GPSM1: variants seen among roughly 807,000 people sequenced by gnomAD.
GPSM1 encodes G protein signaling modulator 1.
In GPSM1, 48 loss-of-function variants were observed where a neutral mutation model predicts 70.5. The observed-to-expected ratio is 0.68, with a 90% CI of 0.54 to 0.87. The LOEUF is 0.87. Ranked by LOEUF, GPSM1 falls within the 40% of genes least tolerant of loss-of-function variation. The probability of loss-of-function intolerance (pLI) is 0.00; values close to 1 mark genes in which losing one functional copy is unlikely to be tolerated. For synonymous variants in GPSM1, 416 were observed against 430.1 expected (o/e 0.97, Z 0.41); for missense variants, 981 against 972.6 (o/e 1.01, Z -0.11).
intron 9 of GPSM1, among the ~76,000 whole-genome samples, chr9:136,346,985 A>G (rs1444932534): frequency 6.6e-6 from 1 of 152,176 alleles, no homozygotes; most frequent in Non-Finnish European, 1.5e-5. Flanking sequence ...CTGGCCATTC[A>G]TGCTGCTAAC....
At chr9:136,349,333 C>T (rs1310579433) in intron 10 of GPSM1, among the ~76,000 whole-genome samples, 1 of 152,250 alleles carries the variant, frequency 6.6e-6, no homozygotes, top group Admixed American at 6.5e-5. Context: ...GACCCAAGGA[C>T]GCCCACAGTC....
At chr9:136,333,950 C>T (rs782671337) in intron 1 of GPSM1, among the ~76,000 whole-genome samples, 3 of 151,998 alleles carry the variant, frequency 2.0e-5, no homozygotes, top group Non-Finnish European at 2.9e-5. Flanking sequence ...CCCACCCCAC[C>T]CGACCCCCAT....
intron 11 of GPSM1, chr9:136,354,850 A>G: frequency 2.0e-6 from 2 of 1,001,294 alleles, no homozygotes. Context: ...CAGGGCTGAC[A>G]CAGGGTGTGG....
chr9:136,340,650 T>C lies in GPSM1; in HGVS notation c.1084-220T>C, dbSNP rs934631822. On this transcript the variant is annotated intron_variant, in intron 8 of 13. Coordinates refer to ENST00000440944, the MANE Select transcript of GPSM1 (RefSeq NM_001145638.3). The surrounding 1 kb of genome is among the most constrained non-coding windows in gnomAD (Gnocchi z 7.3). ...CATCTCTGGGGTGAACTAGGGGCTG[T>C]TGAGGACCTGTGGGGCCACCTCACC... is the stretch of plus-strand genomic sequence containing the variant. Among the ~76,000 whole-genome samples, 2 of 151,960 alleles carry C rather than the reference T, an allele frequency of 1.3e-5. No homozygotes were observed. The highest frequency in any genetic ancestry group is 2.9e-5 in the Non-Finnish European group (2 of 67,948).
rs1832358644 is a variant in GPSM1 at position 136,340,434 on chromosome 9, C to T, written c.1084-436C>T. 6.6e-6 allele frequency among the ~76,000 whole-genome samples: 1 copy of T among 151,964 alleles called. No individual in the cohort carries two copies. The highest frequency in any genetic ancestry group is 2.1e-4 in the South Asian group (1 of 4,824). On this transcript the variant is annotated intron_variant, in intron 8 of 13. Coordinates refer to ENST00000440944, the MANE Select transcript of GPSM1 (RefSeq NM_001145638.3). This position sits in a 1 kb window ranked among gnomAD's most constrained non-coding sequence, Gnocchi z 7.3. ...CCTTCCAGGGCTCCATGTGGCCCTC[C>T]CCCCAACCCCATGCCACCTCTCTTC...
intron 11 of GPSM1, chr9:136,354,964 T>C: frequency 2.9e-6 from 3 of 1,043,302 alleles, no homozygotes; most frequent in South Asian, 2.9e-5. Flanking sequence ...GACAGAGGCC[T>C]GGACTGGGGT....
chr9:136,345,155 G>A (rs1554771049), intron 9 of GPSM1, among the ~76,000 whole-genome samples: 1 of 152,186 alleles, frequency 6.6e-6, no homozygotes, highest in African/African-American at 2.4e-5. Flanking sequence ...GCCCTGAGGG[G>A]TCCGGCAGGC....
chr9:136,353,758 A>G (rs1220950333), intron 11 of GPSM1, among the ~76,000 whole-genome samples: 1 of 152,170 alleles, frequency 6.6e-6, no homozygotes, highest in African/African-American at 2.4e-5. Flanking sequence ...ATTGGGCCAG[A>G]GGCAGAGGCC....
intron 11 of GPSM1, among the ~76,000 whole-genome samples, chr9:136,352,503 A>G (rs1341406535): frequency 6.6e-6 from 1 of 152,214 alleles, no homozygotes; most frequent in Admixed American, 6.5e-5. Flanking sequence ...GGTTGGCCTC[A>G]GAGGCTGGAG....
At position 136,340,819 on chromosome 9, in the gene GPSM1, C is replaced by G; in HGVS notation, c.1084-51C>G. ...GCCATTAAGGTCCCCTTGGAGCCCA[C>G]AGCAGGGCCCCCAGCCACACCTGCC... On this transcript the variant is annotated intron_variant, in intron 8 of 13. Transcript: ENST00000440944. The surrounding 1 kb of genome is among the most constrained non-coding windows in gnomAD (Gnocchi z 7.3). 6.6e-7 allele frequency: 1 copy of G among 1,519,214 alleles called. No homozygotes were observed. Among genetic ancestry groups the G allele is most frequent in the South Asian group, 1.2e-5 (1 of 80,502 alleles). The allele number at this position is 1,519,214 out of a possible 1,614,324, so 94.1% of individuals were successfully genotyped here.
Position 136,334,677 on chromosome 9 carries a change from G to A in GPSM1, c.290+9G>A. The A allele has an allele frequency of 6.2e-7, 1 of 1,603,996 alleles. No homozygotes were observed. ...GACCTCCTGCTGGCGCGGTGAGTGG[G>A]GACGGTCCTGCTGGCGGGTGAGTGG... On this transcript the variant is annotated intron_variant, in intron 2 of 13. Coordinates refer to ENST00000440944, the MANE Select transcript of GPSM1 (RefSeq NM_001145638.3).
chr9:136,357,303 G>A (rs535428418), intron 13 of GPSM1, among the ~76,000 whole-genome samples: 3 of 152,318 alleles, frequency 2.0e-5, no homozygotes, highest in Admixed American at 1.3e-4. Flanking sequence ...AAGCCAGCAC[G>A]TTTCCAGGTC....
At chr9:136,336,848 A>G (rs61034680) in intron 3 of GPSM1, 73 bp from the exon 4 acceptor site, 1 of 1,409,022 alleles carries the variant, frequency 7.1e-7, no homozygotes, top group Non-Finnish European at 9.6e-7. Flanking sequence ...CAGTGAGGAC[A>G]CCGGTGTGCC....
At chr9:136,331,939 AC>A in intron 1 of GPSM1, 1 of 397,810 alleles carries the variant, frequency 2.5e-6, no homozygotes, top group Non-Finnish European at 4.4e-6. Flanking sequence ...AGGCCAGCCC[AC>A]CCCCCAGGAC....
chr9:136,337,417 G>A (rs770525823), intron 4 of GPSM1, 24 bp from the exon 5 acceptor site: 6 of 1,565,072 alleles, frequency 3.8e-6, no homozygotes, highest in Non-Finnish European at 5.2e-6. Context: ...GGAGGGACAC[G>A]GCTCAGAGGC....
chr9:136,356,831 C>CGGGGTGG (rs1564359638), intron 13 of GPSM1, among the ~76,000 whole-genome samples: 3 of 152,152 alleles, frequency 2.0e-5, no homozygotes, highest in African/African-American at 7.2e-5. Flanking sequence ...TGCAGGAACT[C>CGGGGTGG]GGGGTGGGGG....
At chr9:136,339,857 C>A in intron 8 of GPSM1, 42 bp downstream of exon 8, 1 of 1,255,492 alleles carries the variant, frequency 8.0e-7, no homozygotes. Flanking sequence ...CACTGCCCAG[C>A]CCACTCCAGA....
intron 13 of GPSM1, among the ~76,000 whole-genome samples, chr9:136,356,814 C>G (rs1341948057): frequency 6.6e-6 from 1 of 152,202 alleles, no homozygotes; most frequent in African/African-American, 2.4e-5. Flanking sequence ...GTGCCACCCC[C>G]CTGCCATGCA....
chr9:136,357,242 G>A (rs1052561344), intron 13 of GPSM1, among the ~76,000 whole-genome samples: 8 of 152,324 alleles, frequency 5.3e-5, no homozygotes, highest in Admixed American at 2.0e-4. Context: ...TTCAGGGTCC[G>A]TAGACTTGGG....
Sources: gnomAD v4.1 joint callset for allele counts (sites outside exome capture counted in the v4.1 genomes callset) on GRCh38, gnomAD v4.1.1 for gene constraint, Gnocchi (gnomAD v3.1) non-coding constraint, MANE v1.5 for transcripts, NCBI Gene and HGNC (gene_info 2026-07-23, HGNC 2026-07-21) for gene names.